KCNH1: variants seen among roughly 807,000 people sequenced by gnomAD.
KCNH1 encodes the protein potassium voltage-gated channel subfamily H member 1, also known as voltage-gated delayed rectifier potassium channel KCNH1.
In KCNH1, 27 loss-of-function variants were observed where a neutral mutation model predicts 69.2. The ratio of observed to expected loss-of-function variants is 0.39; its 90% CI spans 0.29 to 0.54. The LOEUF (loss-of-function observed/expected upper bound fraction) is 0.54, where lower values mean the gene tolerates loss of function less well. Ranked by LOEUF, KCNH1 falls within the 20% of genes least tolerant of loss-of-function variation. The pLI is 0.68. For missense variants in KCNH1, 798 were observed against 1,261.6 expected (o/e 0.63, Z 5.57); for synonymous variants, 456 against 487.7 (o/e 0.93, Z 0.86).
At chr1:210,846,999 T>A (rs923895498) in intron 7 of KCNH1, among the ~76,000 whole-genome samples, 1 of 152,202 alleles carries the variant, frequency 6.6e-6, no homozygotes, top group African/African-American at 2.4e-5. Flanking sequence ...TCACTGGCCA[T>A]CAGAGAAATG....
chr1:210,826,870 C>T (rs942447876), intron 7 of KCNH1, among the ~76,000 whole-genome samples: 1 of 152,240 alleles, frequency 6.6e-6, no homozygotes, highest in South Asian at 2.1e-4. Context: ...GCTGTGCAAG[C>T]ACAGAGCCTG....
At chr1:210,862,211 G>A in intron 7 of KCNH1, 1 of 1,172,032 alleles carries the variant, frequency 8.5e-7, no homozygotes, top group African/African-American at 1.5e-5. Flanking sequence ...TCATTGAGCT[G>A]GCGCTCCATG....
chr1:210,941,591 AAGCTCTGCGAGGCAG>A (rs1687875890), intron 6 of KCNH1, among the ~76,000 whole-genome samples: 1 of 152,170 alleles, frequency 6.6e-6, no homozygotes, highest in Non-Finnish European at 1.5e-5. Context: ...GGGCAAACCA[AAGCTCTGCGAGGCAG>A]AGCACCCTCA....
intron 5 of KCNH1, among the ~76,000 whole-genome samples, chr1:211,078,560 T>C (rs1338375371): frequency 6.6e-6 from 1 of 152,138 alleles, no homozygotes; most frequent in Non-Finnish European, 1.5e-5. Context: ...AAGATGTTCT[T>C]TGAAACCAAT....
At chr1:210,726,888 T>A (rs1199495649) in intron 10 of KCNH1, among the ~76,000 whole-genome samples, 1 of 152,060 alleles carries the variant, frequency 6.6e-6, no homozygotes, top group Non-Finnish European at 1.5e-5. Flanking sequence ...TACTCAACCC[T>A]CAATAGAGAG....
chr1:211,064,950 C>T (rs1370729173), intron 5 of KCNH1, among the ~76,000 whole-genome samples: 3 of 152,168 alleles, frequency 2.0e-5, no homozygotes, highest in Non-Finnish European at 2.9e-5. Context: ...CACCTCACAT[C>T]TGTTAAAATG....
intron 5 of KCNH1, among the ~76,000 whole-genome samples, chr1:211,060,302 C>T (rs1250644975): frequency 6.8e-6 from 1 of 148,060 alleles, no homozygotes; most frequent in Admixed American, 6.8e-5. Flanking sequence ...AAATAAATAA[C>T]CTTATGATGC....
chr1:210,725,053 G>T (rs539277441), intron 10 of KCNH1, among the ~76,000 whole-genome samples: 9 of 152,276 alleles, frequency 5.9e-5, no homozygotes, highest in Non-Finnish European at 7.4e-5. Flanking sequence ...AGACATAAAA[G>T]CTTGGCTAAT....
chr1:210,753,909 A>ATTTTTTTTTTTTTTTTTTTTT (rs397982788), intron 10 of KCNH1, among the ~76,000 whole-genome samples: 1 of 140,896 alleles, frequency 7.1e-6, no homozygotes, highest in Non-Finnish European at 1.5e-5. Context: ...TATCAGACTA[A>ATTTTTTTTTTTTTTTTTTTTT]TTTTTTTTTT....
At chr1:210,957,638 T>C (rs1688204543) in intron 6 of KCNH1, among the ~76,000 whole-genome samples, 1 of 152,176 alleles carries the variant, frequency 6.6e-6, no homozygotes, top group South Asian at 2.1e-4. Context: ...TTAGCGCTTC[T>C]TGTTGAATTA....
At chr1:210,907,628 G>A (rs138243383) in intron 7 of KCNH1, among the ~76,000 whole-genome samples, 56 of 152,302 alleles carry the variant, frequency 3.7e-4, no homozygotes, top group African/African-American at 1.3e-3. Flanking sequence ...ACAGGTGGAG[G>A]AGGGCATTTC....
At chr1:210,901,915 A>T (rs961322732) in intron 7 of KCNH1, among the ~76,000 whole-genome samples, 3 of 152,092 alleles carry the variant, frequency 2.0e-5, no homozygotes, top group Non-Finnish European at 2.9e-5. Context: ...ACCTCTGAAA[A>T]CCACACCTCA....
intron 7 of KCNH1, among the ~76,000 whole-genome samples, chr1:210,865,554 A>G (rs1330647472): frequency 6.6e-6 from 1 of 152,252 alleles, no homozygotes; most frequent in Non-Finnish European, 1.5e-5. Context: ...TGATGCCTAA[A>G]TGTTCACAGT....
intron 6 of KCNH1, among the ~76,000 whole-genome samples, chr1:211,013,732 C>T (rs1689442398): frequency 6.6e-6 from 1 of 152,204 alleles, no homozygotes; most frequent in South Asian, 2.1e-4. Flanking sequence ...GGGATGGGCT[C>T]ATCACACAGG....
At chr1:210,838,430 A>C (rs1685332737) in intron 7 of KCNH1, among the ~76,000 whole-genome samples, 1 of 152,194 alleles carries the variant, frequency 6.6e-6, no homozygotes, top group South Asian at 2.1e-4. Flanking sequence ...AGATGGATTA[A>C]AAACTTAAAT....
At chr1:210,830,756 TTC>T (rs779806493) in intron 7 of KCNH1, among the ~76,000 whole-genome samples, 2 of 152,180 alleles carry the variant, frequency 1.3e-5, no homozygotes, top group Non-Finnish European at 2.9e-5. Flanking sequence ...CTACAAATTT[TTC>T]TCTGTCTTCA....
At chr1:210,845,463 A>G (rs1265681795) in intron 7 of KCNH1, among the ~76,000 whole-genome samples, 3 of 152,118 alleles carry the variant, frequency 2.0e-5, no homozygotes, top group Non-Finnish European at 2.9e-5. Context: ...TATAAACAGA[A>G]CCAAAGACAA....
intron 10 of KCNH1, among the ~76,000 whole-genome samples, chr1:210,684,638 C>T (rs1681368967): frequency 1.3e-5 from 2 of 152,184 alleles, no homozygotes; most frequent in Admixed American, 6.5e-5. Context: ...AAGAAAGTCC[C>T]CAGGCAAGGC....
chr1:210,999,048 A>G (rs1689112219), intron 6 of KCNH1, among the ~76,000 whole-genome samples: 2 of 152,238 alleles, frequency 1.3e-5, no homozygotes, highest in African/African-American at 4.8e-5. Flanking sequence ...CTACATGCCC[A>G]CAAGAGAAAG....
Sources: allele counts gnomAD v4.1 joint callset (sites outside exome capture counted in the v4.1 genomes callset), GRCh38; gene constraint gnomAD v4.1.1; transcripts MANE v1.5; gene names NCBI Gene and HGNC (gene_info 2026-07-23, HGNC 2026-07-21).